The following DENND4A variants were observed in gnomAD, a reference collection of about 807,000 sequenced individuals.
DENND4A encodes the protein C-myc promoter-binding protein.
A neutral mutation model predicts 199.3 loss-of-function variants in DENND4A; 70 were observed. The ratio of observed to expected loss-of-function variants is 0.35; its 90% CI spans 0.29 to 0.43. The LOEUF is 0.43. DENND4A is among the 20% of genes least tolerant of loss of function. The pLI is 1.00. For missense variants in DENND4A, 1,723 were observed against 2,255.8 expected (o/e 0.76, Z 4.78); for synonymous variants, 686 against 766.9 (o/e 0.89, Z 1.74).
At position 65,702,411 on chromosome 15, in the gene DENND4A, C is replaced by T; in HGVS notation, c.2324G>A (p.Cys775Tyr). Residue 775 changes from cysteine (C) to tyrosine (Y), a missense_variant, in exon 17 of 33, where the codon TGT becomes TAT. This residue lies in a region of DENND4A where 725 missense variants were observed against 952.9 expected (regional missense o/e 0.76). Coordinates refer to ENST00000443035, the MANE Select transcript of DENND4A (RefSeq NM_001320835.1). ...ACAGACTTTCACATAAGCTGGGAGA[C>T]AAATAAACCACAGTCCATAACAGTG... ...LRHCYGLWFI[C>Y]LPAYVKVCHS... is the part of the protein sequence containing the mutation. 1 of 1,579,274 alleles carries T rather than the reference C, an allele frequency of 6.3e-7. No individual in the cohort carries two copies. Among genetic ancestry groups the T allele is most frequent in the East Asian group, 2.3e-5 (1 of 43,292 alleles).
intron 20 of DENND4A, among the ~76,000 whole-genome samples, chr15:65,699,389 C>G (rs1017595354): frequency 7.9e-5 from 12 of 151,698 alleles, no homozygotes; most frequent in Non-Finnish European, 1.3e-4. Flanking sequence ...ATAAAAAGAA[C>G]AGAATTATGT....
chr15:65,720,951 A>C (rs1408100712), intron 12 of DENND4A, among the ~76,000 whole-genome samples: 11 of 30,100 alleles, frequency 3.7e-4, no homozygotes, highest in Non-Finnish European at 6.8e-4. Context: ...CATTGATTAT[A>C]TATATATATA....
Position 65,660,393 on chromosome 15 carries a change from A to G in DENND4A, c.*1458T>C. 1 of 1,177,774 alleles carries G rather than the reference A, an allele frequency of 8.5e-7. No individual in the cohort carries two copies. The highest frequency in any genetic ancestry group is 2.0e-5 in the Admixed American group (1 of 48,836). The allele number at this position is 1,177,774 out of a possible 1,614,324, so 73.0% of individuals were successfully genotyped here. A position where few individuals can be genotyped will look rare whatever the true frequency, so the allele number is the denominator to read the frequency against. The stretch of plus-strand genomic sequence containing the variant: ...AGTCTCAGGACTCCAAGATACCTCC[A>G]GTCCAAGTGTCGTGGACTCTACTGG... On this transcript the variant is annotated 3_prime_UTR_variant, in exon 33 of 33. Transcript: ENST00000443035.
At chr15:65,687,331 T>C (rs2076821538) in intron 23 of DENND4A, among the ~76,000 whole-genome samples, 3 of 152,192 alleles carry the variant, frequency 2.0e-5, no homozygotes, top group African/African-American at 7.2e-5. Context: ...CAAACATCTA[T>C]GCATATTTAA....
chr15:65,769,198 TACACACAC>T (rs3082834), intron 1 of DENND4A, among the ~76,000 whole-genome samples: 3,634 of 146,356 alleles, frequency 0.025, 152 homozygotes, highest in African/African-American at 0.086. Context: ...ATATAAGGTA[TACACACAC>T]ACACACACAC....
chr15:65,681,579 GTT>G (rs113160013), intron 23 of DENND4A, among the ~76,000 whole-genome samples: 7 of 140,286 alleles, frequency 5.0e-5, no homozygotes, highest in African/African-American at 5.3e-5. Context: ...TCATTTTTTT[GTT>G]TTTTTTTTTT....
intron 23 of DENND4A, among the ~76,000 whole-genome samples, chr15:65,682,013 C>A (rs2076594559): frequency 6.6e-6 from 1 of 152,184 alleles, no homozygotes; most frequent in Non-Finnish European, 1.5e-5. Flanking sequence ...GATGTGCTGT[C>A]ATCCAGGTTT....
chr15:65,710,436 T>C (rs943730172), intron 14 of DENND4A, among the ~76,000 whole-genome samples: 4 of 152,190 alleles, frequency 2.6e-5, no homozygotes, highest in Non-Finnish European at 5.9e-5. Context: ...CAGTAAGGTT[T>C]GCACAAGGAA....
chr15:65,740,967 C>CA (rs1029529130), intron 5 of DENND4A, among the ~76,000 whole-genome samples: 4 of 151,370 alleles, frequency 2.6e-5, no homozygotes, highest in South Asian at 2.1e-4. Flanking sequence ...GTACCCCCCC[C>CA]AAAAAAAATC....
intron 10 of DENND4A, 104 bp from the exon 11 acceptor site, chr15:65,729,351 TGCC>T: frequency 7.2e-7 from 1 of 1,381,392 alleles, no homozygotes; most frequent in Non-Finnish European, 1.0e-6. Flanking sequence ...TAAAGCCTAA[TGCC>T]TGATAATGAA....
chr15:65,767,019 C>A (rs2077005363), intron 1 of DENND4A, among the ~76,000 whole-genome samples: 1 of 152,160 alleles, frequency 6.6e-6, no homozygotes, highest in Admixed American at 6.5e-5. Context: ...TATACAGATA[C>A]CTCTTGTTTC....
At chr15:65,694,356 T>A (rs950555404) in intron 22 of DENND4A, among the ~76,000 whole-genome samples, 1 of 151,500 alleles carries the variant, frequency 6.6e-6, no homozygotes, top group African/African-American at 2.4e-5. Context: ...GGCTGAGACA[T>A]GAGAATTGCT....
chr15:65,723,842 T>C (rs929334534), intron 11 of DENND4A, among the ~76,000 whole-genome samples: 2 of 152,200 alleles, frequency 1.3e-5, no homozygotes, highest in African/African-American at 4.8e-5. Context: ...CAGACTATAG[T>C]TGGCCACAGA....
chr15:65,775,213 G>A (rs2077250864), intron 1 of DENND4A, among the ~76,000 whole-genome samples: 1 of 151,988 alleles, frequency 6.6e-6, no homozygotes, highest in African/African-American at 2.4e-5. Context: ...GGGCATGATT[G>A]CTCATGCCTG....
chr15:65,720,062 A>G (rs988392786), intron 12 of DENND4A, among the ~76,000 whole-genome samples: 1 of 152,174 alleles, frequency 6.6e-6, no homozygotes, highest in East Asian at 1.9e-4. Flanking sequence ...ACTACATACA[A>G]CACCTGATTT....
chr15:65,763,052 A>G lies in DENND4A; in HGVS notation c.-101-1614T>C, dbSNP rs141132074. Among the ~76,000 whole-genome samples the G allele has an allele frequency of 1.2e-4, 19 of 152,316 alleles. No homozygotes were observed. In the East Asian group the frequency reaches 3.7e-3, roughly 29 times the overall value. On this transcript the variant is annotated intron_variant, in intron 1 of 32. Transcript: ENST00000443035. ...AACTTGTAATTATGAGTCATTTTAA[A>G]CACTAGATGGAAAGATGATGCCACC...
chr15:65,701,949 G>A (rs1328651281), intron 17 of DENND4A, 59 bp from the exon 18 acceptor site: 2 of 1,601,360 alleles, frequency 1.2e-6, no homozygotes, highest in Admixed American at 1.7e-5. Context: ...CATAAATCTA[G>A]AATAAAATAA....
intron 15 of DENND4A, among the ~76,000 whole-genome samples, chr15:65,704,584 A>G (rs1318096253): frequency 1.3e-5 from 2 of 152,094 alleles, no homozygotes; most frequent in Non-Finnish European, 2.9e-5. Flanking sequence ...TATGTTGCAC[A>G]GGCTGAAATA....
chr15:65,774,845 C>A (rs1156934954), intron 1 of DENND4A, among the ~76,000 whole-genome samples: 16 of 139,960 alleles, frequency 1.1e-4, no homozygotes, highest in Non-Finnish European at 2.0e-4. Flanking sequence ...TTTGTGGATA[C>A]TTAACAGTTT....
Sources: allele counts gnomAD v4.1 joint callset (sites outside exome capture counted in the v4.1 genomes callset), GRCh38; gene constraint gnomAD v4.1.1; regional missense constraint gnomAD v4.1.1; transcripts MANE v1.5; gene names NCBI Gene and HGNC (gene_info 2026-07-23, HGNC 2026-07-21).